Variants in NOP14 observed in about 807,000 individuals in gnomAD.
NOP14 encodes the protein NOP14 nucleolar protein.
A neutral mutation model predicts 101.6 loss-of-function variants in NOP14; 57 were observed. That is an observed-to-expected ratio of 0.56 (90% confidence interval 0.45 to 0.70). The LOEUF (loss-of-function observed/expected upper bound fraction) is 0.70. Ranked by LOEUF, NOP14 falls within the 30% of genes least tolerant of loss-of-function variation. The probability of loss-of-function intolerance (pLI) is 0.00; values close to 1 mark genes in which losing one functional copy is unlikely to be tolerated. For synonymous variants in NOP14, 428 were observed against 424.0 expected, an observed-to-expected ratio of 1.01 and a Z score of -0.12; for missense variants, 1,134 against 1,075.5, an observed-to-expected ratio of 1.05 and a Z score of -0.76.
At chr4:2,939,421 T>C in intron 16 of NOP14, 78 bp from the exon 17 acceptor site, 1 of 1,598,610 alleles carries the variant, frequency 6.3e-7, no homozygotes, top group Middle Eastern at 1.7e-4. Flanking sequence ...GGAGTGTGGC[T>C]TCACTCCGTA....
chr4:2,938,771 G>A lies in NOP14; in HGVS notation c.*60C>T, dbSNP rs1713887791. On this transcript the variant is annotated 3_prime_UTR_variant, in exon 18 of 18. Coordinates refer to ENST00000416614, the MANE Select transcript of NOP14 (RefSeq NM_001291978.2). ...AATCTTCCTGCCTTGGCCTCCCAGAGGGTTGGAATTGCAGATGTGAGGTAA... is the reference window on the plus strand; with the variant it reads ...AATCTTCCTGCCTTGGCCTCCCAGAAGGTTGGAATTGCAGATGTGAGGTAA... 1.4e-6 allele frequency: 2 copies of A among 1,410,254 alleles called. No homozygotes were observed. The highest frequency in any genetic ancestry group is 2.4e-5 in the South Asian group (2 of 84,534). The allele number at this position is 1,410,254 out of a possible 1,614,324, so 87.4% of individuals were successfully genotyped here. A position where few individuals can be genotyped will look rare whatever the true frequency, so the allele number is the denominator to read the frequency against.
Position 2,942,254 on chromosome 4 carries a change from G to C in NOP14, c.1989C>G (p.Ser663Arg). 6.2e-7 allele frequency: 1 copy of C among 1,614,110 alleles called. No homozygotes were observed. Among genetic ancestry groups the C allele is most frequent in the Non-Finnish European group, 8.5e-7 (1 of 1,180,024 alleles). The stretch of plus-strand genomic sequence containing the variant: ...GTCTACTCGCCCAGCGGAGGGAGAG[G>C]CTGCTCTGCTGCCACGTGGCCACAT... Reference protein sequence around the residue: ...REDVATWQQSSLSLRWASRLR... With the variant: ...REDVATWQQSRLSLRWASRLR... Residue 663 changes from serine to arginine, a missense_variant, in exon 14 of 18, where the codon AGC becomes AGG. Transcript: ENST00000416614.
chr4:2,957,350 A>G (rs1715418159), intron 2 of NOP14, among the ~76,000 whole-genome samples: 1 of 152,224 alleles, frequency 6.6e-6, no homozygotes, highest in African/African-American at 2.4e-5. Context: ...CCACTCCAGC[A>G]ATGCTGCTCA....
intron 13 of NOP14, among the ~76,000 whole-genome samples, chr4:2,942,844 C>CAT (rs1553861405): frequency 1.5e-3 from 226 of 151,912 alleles, no homozygotes; most frequent in Non-Finnish European, 2.5e-3. Flanking sequence ...GCCTGTAGGA[C>CAT]GCAGGAGTCA....
At chr4:2,953,953 C>T (rs909367849) in intron 4 of NOP14, among the ~76,000 whole-genome samples, 5 of 152,152 alleles carry the variant, frequency 3.3e-5, no homozygotes, top group East Asian at 1.9e-4. Flanking sequence ...AACCCATCCG[C>T]GCCAGGTGCA....
Position 2,963,309 on chromosome 4 carries a change from G to C in NOP14, c.11C>G (p.Ala4Gly), listed in dbSNP as rs1372509383. The change falls in exon 1 of 18, where the codon GCG becomes GGG. Residue 4 changes from alanine to glycine, a missense_variant. Transcript: ENST00000416614. MAK[A>G]KKVGARRKAS... ...CTTCCTTCGCGCCCCGACCTTCTTCGCCTTCGCCATGGCGCGCGCCCCGCT... is the reference window on the plus strand; with the variant it reads ...CTTCCTTCGCGCCCCGACCTTCTTCCCCTTCGCCATGGCGCGCGCCCCGCT... The C allele has an allele frequency of 6.3e-7, 1 of 1,583,536 alleles. No individual in the cohort carries two copies. Among genetic ancestry groups the C allele is most frequent in the African/African-American group, 1.4e-5 (1 of 71,658 alleles).
chr4:2,948,920 C>A (rs142539080), intron 8 of NOP14, among the ~76,000 whole-genome samples: 1 of 152,254 alleles, frequency 6.6e-6, no homozygotes, highest in Non-Finnish European at 1.5e-5. Flanking sequence ...CGATCACGCA[C>A]CTGGGAACAG....
intron 15 of NOP14, chr4:2,940,370 G>A (rs780627369): frequency 2.0e-5 from 3 of 152,288 alleles, no homozygotes; most frequent in Non-Finnish European, 2.9e-5. Context: ...TGTAACCTTC[G>A]AGTGCCGGAA....
rs150241893 is a variant in NOP14 at position 2,939,450 on chromosome 4, G to C, written c.2318+77C>G. 114 of 1,597,528 alleles carry C rather than the reference G, an allele frequency of 7.1e-5. No homozygotes were observed. In the African/African-American group the frequency reaches 1.2e-3, roughly 17 times the overall value. On this transcript the variant is annotated intron_variant, in intron 16 of 17. Transcript: ENST00000416614. Reference sequence around the variant, plus strand: ...CTCCGTAGTCATCTGCTCAACTGCAGAACTGGCAGACGCCCCCCGTCAGCT... The same window carrying C: ...CTCCGTAGTCATCTGCTCAACTGCACAACTGGCAGACGCCCCCCGTCAGCT...
intron 2 of NOP14, 111 bp downstream of exon 2, chr4:2,957,495 G>GA: frequency 1.5e-6 from 2 of 1,312,296 alleles, no homozygotes; most frequent in Non-Finnish European, 1.1e-6. Context: ...CTATCCCCTG[G>GA]ACCTTCCGAG....
Position 2,938,833 on chromosome 4 carries a change from A to G in NOP14, c.2572T>C (p.Ter858GlnextTer6), listed in dbSNP as rs757629218. 6.2e-7 allele frequency: 1 copy of G among 1,611,308 alleles called. No individual in the cohort carries two copies. The highest frequency in any genetic ancestry group is 8.5e-7 in the Non-Finnish European group (1 of 1,177,832). The change falls in exon 18 of 18, where the codon TAA (stop) becomes CAA (glutamine). Residue 858 changes from the stop codon to glutamine (Q), a stop_lost. Coordinates refer to ENST00000416614, the MANE Select transcript of NOP14 (RefSeq NM_001291978.2). ...TTGCCTTATTTATAAAATGTAATTT[A>G]TTTTTTGAACTTTTTCCTCTTCAGA... ...KALKRKKFKK[*>Q] is the part of the protein sequence containing the mutation.
intron 1 of NOP14, among the ~76,000 whole-genome samples, chr4:2,960,711 A>ATTAATATAATTACATTAATATTAATATG (rs1715693999): frequency 7.8e-6 from 1 of 128,744 alleles, no homozygotes; most frequent in Non-Finnish European, 1.6e-5. Flanking sequence ...ATATTAATAT[A>ATTAATATAATTACATTAATATTAATATG]TTAATATTAT....
At chr4:2,947,031 C>T (rs1435815007) in intron 10 of NOP14, 1 of 213,858 alleles carries the variant, frequency 4.7e-6, no homozygotes, top group Non-Finnish European at 9.4e-6. Context: ...GCCACCAGCC[C>T]TGGGGGCCAG....
intron 8 of NOP14, among the ~76,000 whole-genome samples, chr4:2,948,815 A>G (rs1285082154): frequency 2.6e-5 from 4 of 152,244 alleles, no homozygotes; most frequent in African/African-American, 9.6e-5. Context: ...GTAATTTTAT[A>G]TAACTATTCT....
intron 13 of NOP14, among the ~76,000 whole-genome samples, chr4:2,942,702 C>G (rs1022920289): frequency 1.3e-5 from 2 of 152,136 alleles, no homozygotes; most frequent in African/African-American, 4.8e-5. Context: ...AGGCAGTGCA[C>G]AGCACCCAGA....
chr4:2,959,407 A>G (rs149087840), intron 1 of NOP14, among the ~76,000 whole-genome samples: 1 of 152,228 alleles, frequency 6.6e-6, no homozygotes, highest in Non-Finnish European at 1.5e-5. Context: ...CCTGGGTAAC[A>G]TGGTGAAACC....
Position 2,947,559 on chromosome 4 carries a change from G to A in NOP14, c.1466C>T (p.Pro489Leu), listed in dbSNP as rs140463456. 1.2e-6 allele frequency: 2 copies of A among 1,613,924 alleles called. No individual in the cohort carries two copies. Among genetic ancestry groups the A allele is most frequent in the Non-Finnish European group, 1.7e-6 (2 of 1,179,824 alleles). ...EYVGDLATDD[P>L]PDLTVIDKLV... Reference sequence around the variant, plus strand: ...CTTATCAATGACTGTGAGGTCTGGTGGGTCATCTGTAGCCAAATCGCCAAC... The same window carrying A: ...CTTATCAATGACTGTGAGGTCTGGTAGGTCATCTGTAGCCAAATCGCCAAC... The change falls in exon 10 of 18, where the codon CCA becomes CTA. Residue 489 changes from proline (P) to leucine (L), a missense_variant. Physicochemically the swap from Pro to Leu is moderately conservative, Grantham distance 98 (BLOSUM62 -3). Transcript: ENST00000416614.
At chr4:2,939,675 A>G in intron 15 of NOP14, 30 bp from the exon 16 acceptor site, 1 of 1,530,638 alleles carries the variant, frequency 6.5e-7, no homozygotes. Flanking sequence ...CGACTCTGCG[A>G]TGACTCACCT....
chr4:2,938,994 C>G, intron 17 of NOP14, 64 bp from the exon 18 acceptor site: 1 of 1,522,816 alleles, frequency 6.6e-7, no homozygotes, highest in Non-Finnish European at 9.1e-7. Context: ...CTTGCCCTCT[C>G]TCTCCCACAT....
Sources: allele counts gnomAD v4.1 joint callset (sites outside exome capture counted in the v4.1 genomes callset), GRCh38; gene constraint gnomAD v4.1.1; transcripts MANE v1.5; gene names NCBI Gene and HGNC (gene_info 2026-07-23, HGNC 2026-07-21).